Variants in SORCS3 observed in about 807,000 individuals in gnomAD.
SORCS3 encodes sortilin related VPS10 domain containing receptor 3, also known as VPS10 domain-containing receptor SorCS3.
A neutral mutation model predicts 146.3 loss-of-function variants in SORCS3; 57 were observed. The ratio of observed to expected loss-of-function variants is 0.39; its 90% CI spans 0.31 to 0.49. SORCS3 has a LOEUF of 0.49. Among genes scored for constraint, SORCS3 ranks in the 20% least tolerant of loss-of-function variants. SORCS3 has a pLI of 0.92. For synonymous variants in SORCS3, 653 were observed against 618.5 expected (o/e 1.06, Z -0.83); for missense variants, 1,341 against 1,575.5 (o/e 0.85, Z 2.52).
At chr10:104,799,516 G>A (rs2017598919) in intron 1 of SORCS3, among the ~76,000 whole-genome samples, 1 of 152,058 alleles carries the variant, frequency 6.6e-6, no homozygotes, top group Admixed American at 6.6e-5. Context: ...GACACAGGGA[G>A]GGGAACATCA....
chr10:105,197,598 G>T (rs925717196), intron 14 of SORCS3, among the ~76,000 whole-genome samples: 1 of 152,134 alleles, frequency 6.6e-6, no homozygotes, highest in Admixed American at 6.5e-5. Context: ...TCAAGATCAC[G>T]TTAAATATTT....
chr10:105,133,823 G>A (rs1297607314), intron 7 of SORCS3, among the ~76,000 whole-genome samples: 1 of 151,856 alleles, frequency 6.6e-6, no homozygotes, highest in Non-Finnish European at 1.5e-5. Flanking sequence ...GTCAGGTATG[G>A]TGGTTTTGCC....
chr10:105,121,030 A>G (rs2133765136), intron 7 of SORCS3, among the ~76,000 whole-genome samples: 1 of 152,324 alleles, frequency 6.6e-6, no homozygotes. Flanking sequence ...AGTTCTGGTC[A>G]GGAAGGCAGA....
At chr10:105,033,547 C>T (rs2133697812) in intron 4 of SORCS3, among the ~76,000 whole-genome samples, 1 of 152,278 alleles carries the variant, frequency 6.6e-6, no homozygotes. Context: ...GGATTCCTCT[C>T]ATCTAGGAAC....
intron 2 of SORCS3, among the ~76,000 whole-genome samples, chr10:104,886,806 G>A (rs1014460743): frequency 3.3e-5 from 5 of 152,034 alleles, no homozygotes; most frequent in Admixed American, 3.3e-4. Context: ...TTTATTGATG[G>A]GGACAATTTT....
intron 14 of SORCS3, among the ~76,000 whole-genome samples, chr10:105,182,749 G>T (rs1246957741): frequency 6.6e-6 from 1 of 152,126 alleles, no homozygotes; most frequent in Non-Finnish European, 1.5e-5. Context: ...AGGTTGGAGT[G>T]CAGTGATGCG....
intron 2 of SORCS3, among the ~76,000 whole-genome samples, chr10:104,886,373 A>G (rs542970067): frequency 1.3e-5 from 2 of 152,178 alleles, no homozygotes; most frequent in African/African-American, 2.4e-5. Context: ...GAATATCTTT[A>G]TAACAGGGAT....
intron 5 of SORCS3, among the ~76,000 whole-genome samples, chr10:105,060,336 GGAGA>G (rs201630242): frequency 1.3e-5 from 2 of 152,072 alleles, no homozygotes; most frequent in African/African-American, 4.8e-5. Flanking sequence ...TTCTATGCTT[GGAGA>G]GAGAGAGATT....
chr10:105,116,727 C>A (rs2055896112), intron 7 of SORCS3, among the ~76,000 whole-genome samples: 1 of 152,064 alleles, frequency 6.6e-6, no homozygotes, highest in South Asian at 2.1e-4. Context: ...AGATTATGTC[C>A]TTTGCAGCAA....
At chr10:104,889,431 C>A (rs1336650406) in intron 2 of SORCS3, among the ~76,000 whole-genome samples, 2 of 148,626 alleles carry the variant, frequency 1.3e-5, no homozygotes, top group Non-Finnish European at 3.0e-5. Flanking sequence ...TTATTTGTTC[C>A]ATTTTCCCTC....
chr10:105,252,504 A>G (rs1216699927), intron 22 of SORCS3, among the ~76,000 whole-genome samples: 1 of 152,226 alleles, frequency 6.6e-6, no homozygotes, highest in Non-Finnish European at 1.5e-5. Context: ...TGTTCCCAGC[A>G]AATAATGTTT....
chr10:104,856,976 G>T (rs2018342036), intron 2 of SORCS3, among the ~76,000 whole-genome samples: 2 of 149,854 alleles, frequency 1.3e-5, no homozygotes, highest in Admixed American at 1.4e-4. Context: ...TAAAACAAAG[G>T]CGTGTGAGAG....
chr10:104,771,586 C>A (rs530891836), intron 1 of SORCS3, among the ~76,000 whole-genome samples: 2 of 152,198 alleles, frequency 1.3e-5, no homozygotes, highest in South Asian at 2.1e-4. Flanking sequence ...AGCAGGAGGA[C>A]CTTGAGCATG....
chr10:104,693,627 C>T (rs1292321322), intron 1 of SORCS3, among the ~76,000 whole-genome samples: 1 of 152,130 alleles, frequency 6.6e-6, no homozygotes, highest in Non-Finnish European at 1.5e-5. Flanking sequence ...TACTCCTTGT[C>T]TCATCTAATC....
intron 9 of SORCS3, among the ~76,000 whole-genome samples, chr10:105,148,329 G>A (rs1325939728): frequency 1.3e-5 from 2 of 152,124 alleles, no homozygotes; most frequent in East Asian, 3.9e-4. Context: ...CTTGACATAA[G>A]TGTGTCACTT....
intron 1 of SORCS3, among the ~76,000 whole-genome samples, chr10:104,669,177 G>T (rs927626597): frequency 2.0e-5 from 3 of 152,154 alleles, no homozygotes; most frequent in African/African-American, 7.2e-5. Flanking sequence ...GTTTATTGAT[G>T]TATAATATAC....
At position 104,867,332 on chromosome 10, in the gene SORCS3, C is replaced by T. The variant is rs560630064; in HGVS notation, c.695+24473C>T. ...CAATTTTTTTTTTTTTTTTTTGAGA[C>T]GAAGTCTCGCTCTGTCGCCCAGGCT... On this transcript the variant is annotated intron_variant, in intron 2 of 26. Coordinates refer to ENST00000369701, the MANE Select transcript of SORCS3 (RefSeq NM_014978.3). Among the ~76,000 whole-genome samples the T allele has an allele frequency of 2.5e-3, 366 of 143,884 alleles. 2 individuals are homozygous for T. Among genetic ancestry groups the T allele is most frequent in the African/African-American group, 8.4e-3 (327 of 38,822 alleles). The allele number at this position is 143,884 out of a possible 152,430, so 94.4% of individuals were successfully genotyped here.
intron 6 of SORCS3, among the ~76,000 whole-genome samples, chr10:105,093,498 A>G (rs11819208): frequency 6.6e-6 from 1 of 152,204 alleles, no homozygotes; most frequent in South Asian, 2.1e-4. Flanking sequence ...GCAAATCAAT[A>G]TCCAAGAAAG....
intron 18 of SORCS3, among the ~76,000 whole-genome samples, 170 bp from the exon 19 acceptor site, chr10:105,216,766 G>A (rs770777392): frequency 2.0e-5 from 3 of 152,126 alleles, no homozygotes; most frequent in Non-Finnish European, 4.4e-5. Flanking sequence ...GTGCCTGCCC[G>A]TAGTACCCTG....
Sources: gnomAD v4.1 joint callset for allele counts (sites outside exome capture counted in the v4.1 genomes callset) on GRCh38, gnomAD v4.1.1 for gene constraint, MANE v1.5 for transcripts, NCBI Gene and HGNC (gene_info 2026-07-23, HGNC 2026-07-21) for gene names.